KDM2B: variants seen among roughly 807,000 people sequenced by gnomAD.
KDM2B encodes the protein lysine-specific demethylase 2B.
A neutral mutation model predicts 150.0 loss-of-function variants in KDM2B; 26 were observed. That is an observed-to-expected ratio of 0.17 (90% CI 0.13 to 0.24). The LOEUF is 0.24. Ranked by LOEUF, KDM2B falls within the 10% of genes least tolerant of loss-of-function variation. The probability of loss-of-function intolerance (pLI) is 1.00; values close to 1 mark genes in which losing one functional copy is unlikely to be tolerated. For synonymous variants in KDM2B, 734 were observed against 729.5 expected (o/e 1.01, Z -0.10); for missense variants, 1,265 against 1,816.9 (o/e 0.70, Z 5.52).
rs934599405 is a variant in KDM2B, at chr12:121,518,855, G to A, written c.1047+2130C>T. ...ACAAACTGGCCTGTACTCCAGGACA[G>A]GCCAAAGAACAGTTGGCCGGAGCCC... On this transcript the variant is annotated intron_variant, in intron 9 of 22. Transcript: ENST00000377071. This position sits in a 1 kb window ranked among gnomAD's most constrained non-coding sequence, Gnocchi z 4.4. Among the ~76,000 whole-genome samples, 1 of 152,198 alleles carries A rather than the reference G, an allele frequency of 6.6e-6. No individual in the cohort carries two copies. Among genetic ancestry groups the A allele is most frequent in the Admixed American group, 6.5e-5 (1 of 15,286 alleles).
intron 21 of KDM2B, 77 bp from the exon 22 acceptor site, chr12:121,440,152 A>C: frequency 9.7e-7 from 1 of 1,035,500 alleles, no homozygotes. Flanking sequence ...ACACTCTAAA[A>C]GGCCCACCAG....
intron 8 of KDM2B, among the ~76,000 whole-genome samples, chr12:121,523,355 G>C (rs1886856967): frequency 1.3e-5 from 2 of 152,262 alleles, no homozygotes; most frequent in Admixed American, 6.5e-5. Context: ...GAGGAGGGTT[G>C]GCTGGGGGAA....
chr12:121,467,328 TC>T lies in KDM2B; in HGVS notation c.1735-13985del. ...CTCGGGCTCGGGCTCGGGCTCGGGCTCCCGCTGCCGCGAGGAGGGAGCCGCG... is the reference window on the plus strand; with the variant it reads ...CTCGGGCTCGGGCTCGGGCTCGGGCTCCGCTGCCGCGAGGAGGGAGCCGCG... On this transcript the variant is annotated intron_variant, in intron 12 of 22. Transcript: ENST00000377071. The surrounding 1 kb of genome is among the most constrained non-coding windows in gnomAD (Gnocchi z 5.1). The T allele has an allele frequency of 5.1e-6, 5 of 981,388 alleles. No homozygotes were observed. The South Asian group carries it at 2.3e-4, about 44-fold the overall frequency. The allele number at this position is 981,388 out of a possible 1,614,324, so 60.8% of individuals were successfully genotyped here.
At chr12:121,423,588 C>G in the KDM2B span, 1 of 1,607,684 alleles carries the variant, frequency 6.2e-7, no homozygotes, top group Non-Finnish European at 8.5e-7. The surrounding 1 kb of genome is among the most constrained non-coding windows in gnomAD (Gnocchi z 4.3). Flanking sequence ...ACAGGCTCCC[C>G]TCACCAGGAC....
At chr12:121,550,647 C>A (rs1191333074) in intron 4 of KDM2B, among the ~76,000 whole-genome samples, 1 of 152,150 alleles carries the variant, frequency 6.6e-6, no homozygotes, top group Non-Finnish European at 1.5e-5. Flanking sequence ...GCATGTGCTA[C>A]CACACCTTGC....
chr12:121,458,162 C>T (rs1396069245), intron 12 of KDM2B, among the ~76,000 whole-genome samples: 3 of 152,024 alleles, frequency 2.0e-5, no homozygotes, highest in Non-Finnish European at 4.4e-5. Flanking sequence ...ATAGGCAGAT[C>T]GCTTGAGCTC....
intron 8 of KDM2B, among the ~76,000 whole-genome samples, chr12:121,530,002 GCAGA>G (rs1887509188): frequency 6.6e-6 from 1 of 151,330 alleles, no homozygotes; most frequent in Non-Finnish European, 1.5e-5. Context: ...GCCAAGGTGG[GCAGA>G]TCATGAGGTC....
upstream of KDM2B, among the ~76,000 whole-genome samples, chr12:121,581,842 G>C (rs1395381022): frequency 2.0e-5 from 3 of 152,148 alleles, no homozygotes; most frequent in East Asian, 1.9e-4. Flanking sequence ...GTCACTATCA[G>C]CATCGTATTG....
rs1555316730 is a variant in KDM2B at position 121,575,478 on chromosome 12, G to A, written c.350+303C>T. 1.3e-5 allele frequency among the ~76,000 whole-genome samples: 2 copies of A among 152,242 alleles called. No individual in the cohort carries two copies. Among genetic ancestry groups the A allele is most frequent in the South Asian group, 2.1e-4 (1 of 4,828 alleles). ...GTCTCCTGATCTGGAGCAAGGGGAA[G>A]GAGGAGAGGTACAATTCTCTGTAGG... On this transcript the variant is annotated intron_variant, in intron 3 of 22. Transcript: ENST00000377071. The surrounding 1 kb of genome is among the most constrained non-coding windows in gnomAD (Gnocchi z 4.4).
chr12:121,528,284 C>T (rs782268671), intron 8 of KDM2B, among the ~76,000 whole-genome samples: 1 of 152,206 alleles, frequency 6.6e-6, no homozygotes, highest in Non-Finnish European at 1.5e-5. Flanking sequence ...GGCAGCCGGG[C>T]GCTATGGCTT....
intron 6 of KDM2B, among the ~76,000 whole-genome samples, chr12:121,544,215 G>C (rs1888840070): frequency 6.6e-6 from 1 of 151,946 alleles, no homozygotes; most frequent in Admixed American, 6.6e-5. Flanking sequence ...GGTAGGAGGA[G>C]TCCTGGGAGT....
chr12:121,540,367 G>A (rs1888510388), intron 6 of KDM2B, among the ~76,000 whole-genome samples: 1 of 152,140 alleles, frequency 6.6e-6, no homozygotes, highest in Non-Finnish European at 1.5e-5. Flanking sequence ...AAACACAGCT[G>A]ATGAGAGAGT....
chr12:121,533,079 T>C lies in KDM2B; in HGVS notation c.778-120A>G. 1.1e-5 allele frequency: 10 copies of C among 925,220 alleles called. No individual in the cohort carries two copies. Among genetic ancestry groups the C allele is most frequent in the Non-Finnish European group, 1.6e-5 (10 of 609,474 alleles). The allele number at this position is 925,220 out of a possible 1,614,324, so 57.3% of individuals were successfully genotyped here. On this transcript the variant is annotated intron_variant, in intron 7 of 22. Transcript: ENST00000377071. The surrounding 1 kb of genome is among the most constrained non-coding windows in gnomAD (Gnocchi z 4.1). Reference sequence around the variant, plus strand: ...GACAAGCTGTGTGTGGGGTGGGGGGTGTGGAGAGATGGCAGATCCATCCCT... The same window carrying C: ...GACAAGCTGTGTGTGGGGTGGGGGGCGTGGAGAGATGGCAGATCCATCCCT...
At chr12:121,560,340 G>A (rs1420563709) in intron 4 of KDM2B, among the ~76,000 whole-genome samples, 1 of 152,176 alleles carries the variant, frequency 6.6e-6, no homozygotes, top group Admixed American at 6.5e-5. Flanking sequence ...GTTGCCTTGT[G>A]TGTAAAGGCA....
intron 11 of KDM2B, among the ~76,000 whole-genome samples, chr12:121,500,385 C>G (rs7309786): frequency 6.6e-6 from 1 of 152,118 alleles, no homozygotes. Flanking sequence ...ACCCTTTCTG[C>G]GGGAAACTGC....
intron 2 of KDM2B, among the ~76,000 whole-genome samples, chr12:121,578,564 C>T (rs1891687959): frequency 6.6e-6 from 1 of 152,068 alleles, no homozygotes. Context: ...TGGCTCTGCC[C>T]ACCCTGGGGC....
Position 121,521,512 on chromosome 12 carries a change from C to A in KDM2B, c.932-412G>T, listed in dbSNP as rs1886687387. ...TGTGTCCAGAGTCTTTCCTCACCAT[C>A]CCAGAGGGGTCACAAAGGATGGCTG... On this transcript the variant is annotated intron_variant, in intron 8 of 22. Coordinates refer to ENST00000377071, the MANE Select transcript of KDM2B (RefSeq NM_032590.5). This position sits in a 1 kb window ranked among gnomAD's most constrained non-coding sequence, Gnocchi z 4.9. Among the ~76,000 whole-genome samples, 1 of 152,198 alleles carries A rather than the reference C, an allele frequency of 6.6e-6. No homozygotes were observed. The highest frequency in any genetic ancestry group is 2.1e-4 in the South Asian group (1 of 4,832).
At chr12:121,529,877 C>A (rs1887484256) in intron 8 of KDM2B, among the ~76,000 whole-genome samples, 1 of 149,272 alleles carries the variant, frequency 6.7e-6, no homozygotes, top group Non-Finnish European at 1.5e-5. Flanking sequence ...TTGCAGTGAG[C>A]CAAGATTGCA....
At position 121,560,108 on chromosome 12, in the gene KDM2B, G is replaced by A. The variant is rs112153786; in HGVS notation, c.398-10470C>T. ...CAGCCTCGACCTGTTGGGCTCAAGC[G>A]ATCCTCCGACCTCAGCCTCCCAAGG... is the stretch of plus-strand genomic sequence containing the variant. On this transcript the variant is annotated intron_variant, in intron 4 of 22. Transcript: ENST00000377071. Among the ~76,000 whole-genome samples the A allele has an allele frequency of 3.6e-3, 549 of 152,192 alleles. 5 individuals carry two copies. Among genetic ancestry groups the A allele is most frequent in the South Asian group, 0.022 (107 of 4,822 alleles).
Sources: gnomAD v4.1 joint callset for allele counts (sites outside exome capture counted in the v4.1 genomes callset) on GRCh38, gnomAD v4.1.1 for gene constraint, Gnocchi (gnomAD v3.1) non-coding constraint, MANE v1.5 for transcripts, NCBI Gene and HGNC (gene_info 2026-07-23, HGNC 2026-07-21) for gene names.